BCAR3: variants seen among roughly 807,000 people sequenced by gnomAD.
BCAR3 encodes the protein breast cancer anti-estrogen resistance protein 3.
BCAR3 carries 37 observed loss-of-function variants against 80.1 expected under a neutral mutation model. That is an observed-to-expected ratio of 0.46 (90% CI 0.36 to 0.61). BCAR3 has a LOEUF of 0.61. Among genes scored for constraint, BCAR3 ranks in the 20% least tolerant of loss-of-function variants. The pLI, the probability that BCAR3 is intolerant of heterozygous loss-of-function variation, is 0.00. For missense variants in BCAR3, 978 were observed against 1,068.2 expected, an observed-to-expected ratio of 0.92 and a Z score of 1.18; for synonymous variants, 389 against 418.9, an observed-to-expected ratio of 0.93 and a Z score of 0.87.
At chr1:93,777,000 C>T (rs1652573226) in intron 2 of BCAR3, among the ~76,000 whole-genome samples, 1 of 152,146 alleles carries the variant, frequency 6.6e-6, no homozygotes, top group African/African-American at 2.4e-5. Flanking sequence ...GGCCTTGATT[C>T]AGTCCTTATA....
At chr1:93,774,241 T>A (rs1006297335) in intron 2 of BCAR3, among the ~76,000 whole-genome samples, 1 of 151,936 alleles carries the variant, frequency 6.6e-6, no homozygotes, top group African/African-American at 2.4e-5. Flanking sequence ...TCCCAGCACT[T>A]TTGGGAGGCC....
rs75083205 is a variant in BCAR3, at chr1:93,612,904, T to C, written c.358-20511A>G. ...GGAAACTCACCCTTTTCCCACTCTG[T>C]ATATTTTTAAACAAAAAGGTTTTCT... On this transcript the variant is annotated intron_variant, in intron 3 of 11. Transcript: ENST00000260502. Among the ~76,000 whole-genome samples, 1,394 of 152,344 alleles carry C rather than the reference T, an allele frequency of 9.2e-3. 19 individuals carry two copies. The highest frequency in any genetic ancestry group is 0.029 in the African/African-American group (1,194 of 41,570).
intron 8 of BCAR3, among the ~76,000 whole-genome samples, chr1:93,573,641 T>A (rs1449011378): frequency 6.7e-6 from 1 of 149,048 alleles, no homozygotes; most frequent in African/African-American, 2.5e-5. Flanking sequence ...TTATTTTTTT[T>A]TTTTTGAGAC....
intron 2 of BCAR3, among the ~76,000 whole-genome samples, chr1:93,801,668 C>T (rs1301717228): frequency 6.6e-6 from 1 of 152,190 alleles, no homozygotes; most frequent in Non-Finnish European, 1.5e-5. Flanking sequence ...TTTATGAAGA[C>T]AGTTTCTCAG....
intron 3 of BCAR3, among the ~76,000 whole-genome samples, chr1:93,621,819 C>T (rs1189321246): frequency 6.6e-6 from 1 of 152,182 alleles, no homozygotes; most frequent in Non-Finnish European, 1.5e-5. Context: ...GATATCGTTT[C>T]ACCTCACTCA....
At chr1:93,637,256 G>A (rs185781093) in intron 3 of BCAR3, among the ~76,000 whole-genome samples, 62 of 151,678 alleles carry the variant, frequency 4.1e-4, no homozygotes, top group South Asian at 1.5e-3. Flanking sequence ...TGCAACCTCC[G>A]CCCCCCAGGT....
At chr1:93,832,698 G>A (rs1213093914) in intron 2 of BCAR3, among the ~76,000 whole-genome samples, 1 of 152,086 alleles carries the variant, frequency 6.6e-6, no homozygotes, top group Non-Finnish European at 1.5e-5. Flanking sequence ...AACTGTTGTG[G>A]GTATTGATGG....
intron 2 of BCAR3, among the ~76,000 whole-genome samples, chr1:93,646,947 G>C (rs1676162995): frequency 6.6e-6 from 1 of 152,116 alleles, no homozygotes; most frequent in South Asian, 2.1e-4. Context: ...AAATGTAATG[G>C]AATAAATGCT....
chr1:93,667,447 A>G (rs1295853230), intron 2 of BCAR3, among the ~76,000 whole-genome samples: 2 of 152,238 alleles, frequency 1.3e-5, no homozygotes, highest in African/African-American at 4.8e-5. Context: ...AGAACTTGCT[A>G]TAGAGTTCAC....
rs1345497031 is a variant in BCAR3, at chr1:93,589,036, G to T, written c.870C>A (p.Ser290Arg). 6.2e-7 allele frequency: 1 copy of T among 1,608,516 alleles called. No individual in the cohort carries two copies. The highest frequency in any genetic ancestry group is 1.1e-5 in the South Asian group (1 of 90,718). The change falls in exon 5 of 12, where the codon AGC (serine) becomes AGA (arginine). Residue 290 changes from serine (S) to arginine (R), a missense_variant. By Grantham distance (110) the Ser-to-Arg change is moderately radical. Transcript: ENST00000260502. ...KGRPDVAKRL[S>R]LTMGGVQARE... is the part of the protein sequence containing the mutation. ...GGGCCTGGACGCCACCCATGGTGAG[G>T]CTCAGCCTCTTGGCCACATCCGGCC...
chr1:93,833,999 C>G (rs982575684), intron 2 of BCAR3, among the ~76,000 whole-genome samples: 6 of 152,078 alleles, frequency 3.9e-5, no homozygotes, highest in African/African-American at 1.5e-4. Flanking sequence ...AATTATAAAG[C>G]TATTAATTTG....
intron 2 of BCAR3, among the ~76,000 whole-genome samples, chr1:93,785,138 G>C (rs1251527715): frequency 6.6e-6 from 1 of 152,164 alleles, no homozygotes; most frequent in African/African-American, 2.4e-5. Flanking sequence ...ACAGCAACCT[G>C]ATGGTCTCCC....
At chr1:93,818,462 G>A (rs185469462) in intron 2 of BCAR3, among the ~76,000 whole-genome samples, 139 of 152,320 alleles carry the variant, frequency 9.1e-4, no homozygotes, top group African/African-American at 3.2e-3. Flanking sequence ...TACCTGGGCT[G>A]CCTACTGTCG....
At position 93,823,830 on chromosome 1, in the gene BCAR3, G is replaced by A. The variant is rs760555558; in HGVS notation, c.-63+21737C>T. ...TTCTTCTGCCTCAGCCTCCCAAGTA[G>A]CTGGGATTACAGGCACGTGCCACCA... On this transcript the variant is annotated intron_variant, in intron 2 of 13. Transcript: ENST00000370244. Among the ~76,000 whole-genome samples the A allele has an allele frequency of 3.7e-5, 5 of 133,852 alleles. 1 individual carries two copies. Among genetic ancestry groups the A allele is most frequent in the Non-Finnish European group, 5.1e-5 (3 of 59,252 alleles). The allele number at this position is 133,852 out of a possible 152,430, so 87.8% of individuals were successfully genotyped here.
intron 2 of BCAR3, among the ~76,000 whole-genome samples, chr1:93,750,409 G>A (rs958389544): frequency 2.0e-5 from 3 of 152,228 alleles, no homozygotes; most frequent in African/African-American, 7.2e-5. Flanking sequence ...TCAAGTGAAT[G>A]TGCTTTTGAA....
chr1:93,723,163 T>A (rs984346961), intron 2 of BCAR3: 5 of 152,230 alleles, frequency 3.3e-5, no homozygotes, highest in Non-Finnish European at 7.3e-5. Context: ...AATAAGGTCC[T>A]TCTGGAAACC....
chr1:93,643,045 T>C (rs367984094), intron 2 of BCAR3, among the ~76,000 whole-genome samples: 156 of 151,392 alleles, frequency 1.0e-3, no homozygotes, highest in African/African-American at 3.7e-3. Flanking sequence ...CCGACCAGCA[T>C]GGAGAAACCC....
chr1:93,811,586 CA>C (rs1363486740), intron 2 of BCAR3, among the ~76,000 whole-genome samples: 1 of 152,160 alleles, frequency 6.6e-6, no homozygotes, highest in Non-Finnish European at 1.5e-5. Context: ...GGCTTTGGAA[CA>C]AATCCAACCT....
chr1:93,669,840 G>C (rs1280058606), intron 2 of BCAR3, among the ~76,000 whole-genome samples: 2 of 152,202 alleles, frequency 1.3e-5, no homozygotes, highest in Admixed American at 6.5e-5. Flanking sequence ...CTCAGGAATG[G>C]AAAACCAAAC....
Sources: gnomAD v4.1 joint callset for allele counts (sites outside exome capture counted in the v4.1 genomes callset) on GRCh38, gnomAD v4.1.1 for gene constraint, MANE v1.5 for transcripts, NCBI Gene and HGNC (gene_info 2026-07-23, HGNC 2026-07-21) for gene names.